RNF4: variants seen among roughly 807,000 people sequenced by gnomAD.
RNF4 encodes ring finger protein 4, also known as E3 ubiquitin-protein ligase RNF4.
RNF4 carries 7 observed loss-of-function variants against 24.3 expected under a neutral mutation model. The ratio of observed to expected loss-of-function variants is 0.29; its 90% CI spans 0.16 to 0.54. RNF4 has a LOEUF of 0.54. Ranked by LOEUF, RNF4 falls within the 20% of genes least tolerant of loss-of-function variation. The pLI is 0.95. For missense variants in RNF4, 209 were observed against 248.5 expected, an observed-to-expected ratio of 0.84 and a Z score of 1.07; for synonymous variants, 83 against 84.3, an observed-to-expected ratio of 0.98 and a Z score of 0.09.
In RNF4 at chr4:2,512,950, G is replaced by A. The variant is rs866413755; in HGVS notation, c.375-133G>A. 3.8e-5 allele frequency: 33 copies of A among 868,618 alleles called. No individual in the cohort carries two copies. In the Middle Eastern group the frequency reaches 7.9e-4, roughly 21 times the overall value. The allele number at this position is 868,618 out of a possible 1,614,324, so 53.8% of individuals were successfully genotyped here. A position where few individuals can be genotyped will look rare whatever the true frequency, so the allele number is the denominator to read the frequency against. ...CAGTTGGCTTTCCTGAAAGTCTCTC[G>A]GATGCCCGCGCTAAGGCAGAGTCAG... On this transcript the variant is annotated intron_variant, in intron 6 of 7. Transcript: ENST00000314289. The surrounding 1 kb of genome is among the most constrained non-coding windows in gnomAD (Gnocchi z 4.1).
At chr4:2,509,857 GCATGTTGGAGCTGTAGAAAGCTGGGGT>G (rs1453871077) in intron 4 of RNF4, among the ~76,000 whole-genome samples, 25 of 152,156 alleles carry the variant, frequency 1.6e-4, no homozygotes, top group African/African-American at 6.0e-4. Flanking sequence ...GAGGGTGGGG[GCATGTTGGAGCTGTAGAAAGCTGGGGT>G]CATTTCTAGC....
chr4:2,500,177 A>G (rs1735867126), intron 3 of RNF4, among the ~76,000 whole-genome samples: 1 of 147,560 alleles, frequency 6.8e-6, no homozygotes, highest in South Asian at 2.2e-4. Flanking sequence ...AAAAAAAAAA[A>G]GAATTTGCCC....
rs1049715028 is a variant in RNF4, at chr4:2,479,495, G to C, written c.-158+10237G>C. On this transcript the variant is annotated intron_variant, in intron 1 of 7. Coordinates refer to ENST00000314289, the MANE Select transcript of RNF4 (RefSeq NM_002938.5). ...AATCATGGGGGCAGGTCTTTCCCAT[G>C]TTCTGGTGATGGTGAATAAGTCTCA... Among the ~76,000 whole-genome samples, 4 of 152,268 alleles carry C rather than the reference G, an allele frequency of 2.6e-5. 1 individual carries two copies. Among genetic ancestry groups the C allele is most frequent in the African/African-American group, 4.8e-5 (2 of 41,542 alleles).
chr4:2,500,531 A>G (rs1735878331), intron 3 of RNF4, 128 bp from the exon 4 acceptor site: 2 of 864,686 alleles, frequency 2.3e-6, no homozygotes, highest in Admixed American at 4.4e-5. Flanking sequence ...TGCTCTTTGC[A>G]GTGTATACTT....
intron 1 of RNF4, among the ~76,000 whole-genome samples, chr4:2,483,490 G>A (rs1735303205): frequency 6.6e-6 from 1 of 152,194 alleles, no homozygotes; most frequent in Admixed American, 6.5e-5. Context: ...ATATGACTGA[G>A]GGTATCAAAG....
chr4:2,473,801 A>G (rs1357743992), intron 1 of RNF4, among the ~76,000 whole-genome samples: 1 of 150,840 alleles, frequency 6.6e-6, no homozygotes, highest in Non-Finnish European at 1.5e-5. Context: ...ACAGAGCGAG[A>G]CTCTGTCTAG....
At chr4:2,481,312 A>G (rs1226477092) in intron 1 of RNF4, 3 of 152,046 alleles carry the variant, frequency 2.0e-5, no homozygotes, top group Non-Finnish European at 2.9e-5. Flanking sequence ...CACTGACAAC[A>G]TTTTTCAGTG....
chr4:2,503,215 G>C (rs1282161166), intron 4 of RNF4, among the ~76,000 whole-genome samples: 1 of 152,140 alleles, frequency 6.6e-6, no homozygotes, highest in East Asian at 1.9e-4. Flanking sequence ...CTTGCTAAAA[G>C]GGCTTCCTCT....
intron 4 of RNF4, chr4:2,505,802 C>T (rs551222892): frequency 8.0e-6 from 1 of 124,516 alleles, no homozygotes; most frequent in East Asian, 2.8e-4. Context: ...AGCGTGATCT[C>T]AGCTCACTGC....
intron 1 of RNF4, among the ~76,000 whole-genome samples, chr4:2,486,441 G>A (rs2108757967): frequency 6.6e-6 from 1 of 152,252 alleles, no homozygotes; most frequent in East Asian, 1.9e-4. Context: ...GTGAAATCCA[G>A]CCTCTTGGTG....
chr4:2,476,751 C>T (rs1193214582), intron 1 of RNF4, among the ~76,000 whole-genome samples: 4 of 149,526 alleles, frequency 2.7e-5, no homozygotes, highest in African/African-American at 9.9e-5. Context: ...TCCTATGTTT[C>T]CCGGGCAGGA....
chr4:2,486,991 G>T (rs1241627913), intron 1 of RNF4, among the ~76,000 whole-genome samples: 1 of 152,198 alleles, frequency 6.6e-6, no homozygotes, highest in East Asian at 1.9e-4. Context: ...CGTGTGGTCT[G>T]AATGATCTTG....
At chr4:2,474,928 G>A (rs918518559) in intron 1 of RNF4, among the ~76,000 whole-genome samples, 1 of 152,192 alleles carries the variant, frequency 6.6e-6, no homozygotes, top group African/African-American at 2.4e-5. Context: ...TCGGGAAGCT[G>A]AGACAGGAGA....
intron 1 of RNF4, among the ~76,000 whole-genome samples, chr4:2,476,305 G>A (rs559767767): frequency 2.0e-5 from 3 of 152,184 alleles, no homozygotes; most frequent in South Asian, 2.1e-4. Flanking sequence ...GTTGGTTCTC[G>A]CCTCCTACTC....
intron 3 of RNF4, among the ~76,000 whole-genome samples, chr4:2,500,457 C>T (rs529120470): frequency 3.3e-5 from 5 of 152,346 alleles, no homozygotes; most frequent in Admixed American, 1.3e-4. Context: ...TACCTCCCCA[C>T]TCAGAGCAGA....
intron 1 of RNF4, among the ~76,000 whole-genome samples, chr4:2,487,094 GT>G (rs1735433279): frequency 6.6e-6 from 1 of 152,154 alleles, no homozygotes; most frequent in African/African-American, 2.4e-5. Flanking sequence ...CTGAATGTCT[GT>G]TTAAAGTTGA....
At chr4:2,484,993 A>T (rs1735363064) in intron 1 of RNF4, among the ~76,000 whole-genome samples, 1 of 152,080 alleles carries the variant, frequency 6.6e-6, no homozygotes, top group South Asian at 2.1e-4. Flanking sequence ...GCTTGTTAGG[A>T]ACCCTCGGCA....
chr4:2,515,297 T>C lies in RNF4; in HGVS notation c.*1478T>C, dbSNP rs1736384832. 6.6e-6 allele frequency: 1 copy of C among 152,642 alleles called. No individual in the cohort carries two copies. The highest frequency in any genetic ancestry group is 2.4e-5 in the African/African-American group (1 of 41,462). 9.5% of individuals were successfully genotyped at this position (152,642 alleles called of 1,614,324 possible). On this transcript the variant is annotated 3_prime_UTR_variant, in exon 8 of 8. Transcript: ENST00000314289. ...GGGCTGAAGGAGTGTCCCTCCTCTATGTGAAAAGAAAATTGTTTTATTCTT... is the reference window on the plus strand; with the variant it reads ...GGGCTGAAGGAGTGTCCCTCCTCTACGTGAAAAGAAAATTGTTTTATTCTT...
intron 1 of RNF4, among the ~76,000 whole-genome samples, chr4:2,481,618 T>C (rs559648713): frequency 1.2e-3 from 178 of 152,340 alleles, no homozygotes; most frequent in South Asian, 6.2e-3. Flanking sequence ...CCTGCTCTCT[T>C]CTGCCTTTCT....
Sources: gnomAD v4.1 joint callset for allele counts (sites outside exome capture counted in the v4.1 genomes callset) on GRCh38, gnomAD v4.1.1 for gene constraint, Gnocchi (gnomAD v3.1) non-coding constraint, MANE v1.5 for transcripts, NCBI Gene and HGNC (gene_info 2026-07-23, HGNC 2026-07-21) for gene names.